RWDD4: variants seen among roughly 807,000 people sequenced by gnomAD.
RWDD4 encodes the protein RWD domain containing 4.
Under a neutral mutation model 30.0 loss-of-function variants are expected in RWDD4, and 16 were observed. The observed-to-expected ratio is 0.53, with a 90% CI of 0.36 to 0.81. The LOEUF (loss-of-function observed/expected upper bound fraction) is 0.81. RWDD4 is among the 30% of genes least tolerant of loss of function. The pLI, the probability that RWDD4 is intolerant of heterozygous loss-of-function variation, is 0.00. For missense variants in RWDD4, 170 were observed against 223.9 expected (o/e 0.76, Z 1.54); for synonymous variants, 45 against 72.1 (o/e 0.62, Z 1.90).
chr4:183,643,473 C>T (rs1413552589), intron 7 of RWDD4, among the ~76,000 whole-genome samples: 1 of 116,880 alleles, frequency 8.6e-6, no homozygotes, highest in South Asian at 3.2e-4. Flanking sequence ...CATCATCTTA[C>T]TATTACGATG....
intron 7 of RWDD4, among the ~76,000 whole-genome samples, chr4:183,643,429 A>AAAAAAAAAAAAAAAAAAAAAAAAAAAAAC (rs1323241738): frequency 7.3e-6 from 1 of 136,188 alleles, no homozygotes; most frequent in Non-Finnish European, 1.6e-5. Context: ...AAAAAAAAAA[A>AAAAAAAAAAAAAAAAAAAAAAAAAAAAAC]AAAAAAAAAA....
intron 2 of RWDD4, among the ~76,000 whole-genome samples, chr4:183,654,163 T>C (rs1222772701): frequency 1.3e-5 from 2 of 152,110 alleles, no homozygotes; most frequent in African/African-American, 4.8e-5. Context: ...GTCTAAGGCA[T>C]GTGAGTGGAG....
At chr4:183,644,423 A>G (rs1046618965) in intron 7 of RWDD4, among the ~76,000 whole-genome samples, 19 of 152,264 alleles carry the variant, frequency 1.2e-4, no homozygotes, top group African/African-American at 4.6e-4. Flanking sequence ...AGATTATTTT[A>G]AAGTTTCAAT....
intron 5 of RWDD4, among the ~76,000 whole-genome samples, chr4:183,649,044 G>A (rs1461062600): frequency 1.3e-5 from 2 of 151,714 alleles, no homozygotes; most frequent in African/African-American, 2.4e-5. Context: ...AATGTTCCAA[G>A]AAGAAAGAGT....
chr4:183,650,469 C>G (rs944949190), intron 4 of RWDD4, among the ~76,000 whole-genome samples: 12 of 152,138 alleles, frequency 7.9e-5, no homozygotes, highest in African/African-American at 2.7e-4. Flanking sequence ...GCAAAGGGGC[C>G]TCATACACAG....
chr4:183,654,369 A>G (rs1470567629), intron 2 of RWDD4, among the ~76,000 whole-genome samples: 3 of 152,178 alleles, frequency 2.0e-5, no homozygotes, highest in African/African-American at 7.2e-5. Context: ...GAAGCTAAAG[A>G]AAGTATTAAA....
chr4:183,646,283 A>G, intron 7 of RWDD4, 68 bp downstream of exon 7: 1 of 782,254 alleles, frequency 1.3e-6, no homozygotes, highest in Non-Finnish European at 2.2e-6. Context: ...TTACTTAAAA[A>G]AAAAAAAGAT....
chr4:183,651,107 T>C lies in RWDD4; in HGVS notation c.240A>G (p.Ile80Met), dbSNP rs1734065598. The C allele has an allele frequency of 1.9e-6, 3 of 1,614,142 alleles. No homozygotes were observed. The highest frequency in any genetic ancestry group is 1.1e-5 in the South Asian group (1 of 91,082). ...CTACTGCTTCCTGTAGCTTGGCTAA[T>C]ATACTCTGCTTTACAGCTGATGATC... is the stretch of plus-strand genomic sequence containing the variant. ...NTISSAVKQS[I>M]LAKLQEAVEA... Residue 80 changes from isoleucine (I) to methionine (M), a missense_variant, in exon 4 of 8, where the codon ATA becomes ATG. Physicochemically the swap from Ile to Met is conservative, Grantham distance 10. Transcript: ENST00000326397.
chr4:183,648,317 A>C (rs1734004426), intron 5 of RWDD4, among the ~76,000 whole-genome samples: 1 of 152,128 alleles, frequency 6.6e-6, no homozygotes, highest in Admixed American at 6.5e-5. Flanking sequence ...AAACTTTTTA[A>C]CCTGACATAG....
chr4:183,646,985 C>T (rs563309196), intron 5 of RWDD4, among the ~76,000 whole-genome samples: 8 of 152,242 alleles, frequency 5.3e-5, no homozygotes, highest in African/African-American at 1.9e-4. Flanking sequence ...ATATGTCTGG[C>T]CTGGCTTCAA....
At chr4:183,651,162 G>C in intron 3 of RWDD4, 31 bp from the exon 4 acceptor site, 1 of 1,612,510 alleles carries the variant, frequency 6.2e-7, no homozygotes, top group South Asian at 1.1e-5. Context: ...ACCTTGCTGA[G>C]AGAAAAGTAT....
At chr4:183,658,423 T>A (rs1308457197) in intron 1 of RWDD4, among the ~76,000 whole-genome samples, 1 of 152,134 alleles carries the variant, frequency 6.6e-6, no homozygotes, top group Non-Finnish European at 1.5e-5. Context: ...ATTCAGGTGG[T>A]ACATGAATGC....
At chr4:183,654,563 T>C (rs1035850233) in intron 2 of RWDD4, among the ~76,000 whole-genome samples, 6 of 152,102 alleles carry the variant, frequency 3.9e-5, no homozygotes, top group African/African-American at 1.5e-4. Flanking sequence ...ATAGTACATA[T>C]AAATGTCCTA....
rs544680619 is a variant in RWDD4, at chr4:183,642,396, A to G, written c.535-928T>C. On this transcript the variant is annotated intron_variant, in intron 7 of 7. Transcript: ENST00000326397. ...AGTAGAGACGGGGTTTCACCGTGTT[A>G]GCCAGGATGGTCTCGATCTCCTGAC... is the stretch of plus-strand genomic sequence containing the variant. Among the ~76,000 whole-genome samples the G allele has an allele frequency of 4.7e-5, 4 of 85,708 alleles. 2 individuals carry two copies. Among genetic ancestry groups the G allele is most frequent in the African/African-American group, 1.5e-4 (2 of 13,048 alleles). 56.2% of individuals were successfully genotyped at this position (85,708 alleles called of 152,430 possible).
chr4:183,647,044 T>G (rs1189846866), intron 5 of RWDD4, among the ~76,000 whole-genome samples: 1 of 152,238 alleles, frequency 6.6e-6, no homozygotes, highest in African/African-American at 2.4e-5. Context: ...TGTGATCTGA[T>G]AACATATTCA....
At chr4:183,654,319 A>C (rs1435154151) in intron 2 of RWDD4, among the ~76,000 whole-genome samples, 1 of 152,192 alleles carries the variant, frequency 6.6e-6, no homozygotes, top group African/African-American at 2.4e-5. Flanking sequence ...TCAGAGTGCC[A>C]ACTAGTACTG....
At chr4:183,653,788 G>T (rs989055051) in intron 2 of RWDD4, 1 of 152,144 alleles carries the variant, frequency 6.6e-6, no homozygotes. Context: ...TACTCATGGC[G>T]CATTTAGGAA....
intron 1 of RWDD4, among the ~76,000 whole-genome samples, chr4:183,656,489 C>T (rs1030123684): frequency 5.9e-5 from 9 of 152,154 alleles, no homozygotes; most frequent in African/African-American, 2.2e-4. Context: ...AGTATCTACC[C>T]AAGATGAGAC....
chr4:183,641,828 A>C (rs1007265032), intron 7 of RWDD4, among the ~76,000 whole-genome samples: 2 of 152,196 alleles, frequency 1.3e-5, no homozygotes, highest in African/African-American at 4.8e-5. Context: ...TTCTTTTTAA[A>C]ATTTTTAAAA....
Sources: allele counts gnomAD v4.1 joint callset (sites outside exome capture counted in the v4.1 genomes callset), GRCh38; gene constraint gnomAD v4.1.1; transcripts MANE v1.5; gene names NCBI Gene and HGNC (gene_info 2026-07-23, HGNC 2026-07-21).